The following CADM1 variants were observed in gnomAD, a reference collection of about 807,000 sequenced individuals.
CADM1 encodes the protein TSLC-1.
In CADM1, 15 loss-of-function variants were observed where a neutral mutation model predicts 53.1. That is an observed-to-expected ratio of 0.28 (90% CI 0.19 to 0.44). CADM1 has a LOEUF of 0.44. Among genes scored for constraint, CADM1 ranks in the 20% least tolerant of loss-of-function variants. The probability of loss-of-function intolerance (pLI) is 1.00; values close to 1 mark genes in which losing one functional copy is unlikely to be tolerated. For synonymous variants in CADM1, 281 were observed against 243.0 expected, an observed-to-expected ratio of 1.16 and a Z score of -1.45; for missense variants, 434 against 611.3, an observed-to-expected ratio of 0.71 and a Z score of 3.06.
chr11:115,452,781 C>A (rs1279075610), intron 1 of CADM1, among the ~76,000 whole-genome samples: 1 of 152,022 alleles, frequency 6.6e-6, no homozygotes, highest in Non-Finnish European at 1.5e-5. Context: ...TTTTTTCCAC[C>A]TTTTAAGAGA....
At chr11:115,413,138 G>A (rs1947499175) in intron 1 of CADM1, among the ~76,000 whole-genome samples, 2 of 152,198 alleles carry the variant, frequency 1.3e-5, no homozygotes, top group African/African-American at 4.8e-5. Context: ...AGAGACACAG[G>A]AGGGAAGAGA....
At chr11:115,433,190 TTTC>T (rs1328815821) in intron 1 of CADM1, among the ~76,000 whole-genome samples, 4 of 152,142 alleles carry the variant, frequency 2.6e-5, no homozygotes, top group South Asian at 2.1e-4. Flanking sequence ...TACAGTGACT[TTTC>T]TTCTTCTTCT....
intron 1 of CADM1, among the ~76,000 whole-genome samples, chr11:115,381,763 G>T (rs143062932): frequency 1.2e-3 from 189 of 152,254 alleles, no homozygotes; most frequent in African/African-American, 4.2e-3. Flanking sequence ...AATGTGCAAG[G>T]CTATGCTAGG....
intron 1 of CADM1, among the ~76,000 whole-genome samples, chr11:115,487,343 T>C (rs1296796082): frequency 2.0e-5 from 3 of 152,200 alleles, no homozygotes; most frequent in Non-Finnish European, 2.9e-5. Flanking sequence ...TTCATCTTTT[T>C]AAAAAATTTA....
At chr11:115,388,284 G>C (rs1488753484) in intron 1 of CADM1, among the ~76,000 whole-genome samples, 1 of 152,102 alleles carries the variant, frequency 6.6e-6, no homozygotes. Context: ...TGAATGGATA[G>C]AAAAATTCTT....
chr11:115,281,970 A>G (rs1943598235), intron 1 of CADM1, among the ~76,000 whole-genome samples: 1 of 152,218 alleles, frequency 6.6e-6, no homozygotes, highest in Non-Finnish European at 1.5e-5. Flanking sequence ...AATTTAAACT[A>G]GCTCTACAAA....
intron 1 of CADM1, among the ~76,000 whole-genome samples, chr11:115,453,908 A>C (rs1948629318): frequency 6.6e-6 from 1 of 152,202 alleles, no homozygotes; most frequent in Admixed American, 6.5e-5. Context: ...AAGCACTGGC[A>C]CTTTTGGGAA....
rs187980349 is a variant in CADM1, at chr11:115,402,069, T to C, written c.124+102202A>G. On this transcript the variant is annotated intron_variant, in intron 1 of 11. Coordinates refer to ENST00000331581, the MANE Select transcript of CADM1 (RefSeq NM_001301043.2). ...GTTAGAGAAAAGGCAGATCCAGAAA[T>C]AATAAAAAATAACTTTGTGTACATA... Among the ~76,000 whole-genome samples, 15 of 151,898 alleles carry C rather than the reference T, an allele frequency of 9.9e-5. 1 individual carries two copies. The East Asian group carries it at 2.7e-3, about 27-fold the overall frequency.
intron 1 of CADM1, among the ~76,000 whole-genome samples, chr11:115,342,073 T>C (rs7122020): frequency 0.38 from 57,955 of 151,984 alleles, 11,420 homozygotes; most frequent in Non-Finnish European, 0.43. Flanking sequence ...TCCAGTTATA[T>C]CCATCTACAA....
chr11:115,246,755 G>A (rs1942421155), intron 1 of CADM1, among the ~76,000 whole-genome samples: 1 of 152,152 alleles, frequency 6.6e-6, no homozygotes, highest in Non-Finnish European at 1.5e-5. Flanking sequence ...ATTTTATGTA[G>A]CATTTATAAC....
chr11:115,250,330 A>G (rs2134968948), intron 1 of CADM1, among the ~76,000 whole-genome samples: 1 of 152,322 alleles, frequency 6.6e-6, no homozygotes, highest in Admixed American at 6.5e-5. Flanking sequence ...CCAATTTAAT[A>G]TGATTTTCTC....
intron 8 of CADM1, among the ~76,000 whole-genome samples, chr11:115,205,788 T>C (rs958657165): frequency 9.2e-5 from 14 of 152,172 alleles, no homozygotes; most frequent in African/African-American, 2.9e-4. Flanking sequence ...TGGCAAATCA[T>C]AGTGAGGCTC....
chr11:115,293,673 G>C (rs572024978), intron 1 of CADM1, among the ~76,000 whole-genome samples: 39 of 152,250 alleles, frequency 2.6e-4, no homozygotes, highest in African/African-American at 9.1e-4. Context: ...GACAACCACA[G>C]TAGTTTTTGT....
At chr11:115,307,389 C>T (rs1944402306) in intron 1 of CADM1, among the ~76,000 whole-genome samples, 1 of 151,518 alleles carries the variant, frequency 6.6e-6, no homozygotes, top group Admixed American at 6.6e-5. Context: ...CCTCTCTCAG[C>T]AAGAACACCA....
At chr11:115,350,931 A>C (rs974205585) in intron 1 of CADM1, among the ~76,000 whole-genome samples, 1 of 151,824 alleles carries the variant, frequency 6.6e-6, no homozygotes, top group African/African-American at 2.4e-5. Flanking sequence ...AAGTTAAAAA[A>C]AAAAAAAAAA....
chr11:115,364,212 C>G (rs1330715402), intron 1 of CADM1, among the ~76,000 whole-genome samples: 1 of 152,172 alleles, frequency 6.6e-6, no homozygotes, highest in Non-Finnish European at 1.5e-5. Flanking sequence ...ATGAGTGTGT[C>G]TCAGTTTCAA....
intron 1 of CADM1, among the ~76,000 whole-genome samples, chr11:115,361,546 G>T (rs1377332238): frequency 6.6e-6 from 1 of 152,096 alleles, no homozygotes; most frequent in East Asian, 1.9e-4. Context: ...GACTGCTTAT[G>T]ATTCTTCACC....
At position 115,171,488 on chromosome 11, in the gene CADM1, C is replaced by T. The variant is rs1178182417; in HGVS notation, c.*4986G>A. ...TCCAGTTGATGTATTTGGAGAATGCCAGGCCAAAACATTTGTGAAAACTCT... is the reference window on the plus strand; with the variant it reads ...TCCAGTTGATGTATTTGGAGAATGCTAGGCCAAAACATTTGTGAAAACTCT... On this transcript the variant is annotated 3_prime_UTR_variant, in exon 12 of 12. Coordinates refer to ENST00000331581, the MANE Select transcript of CADM1 (RefSeq NM_001301043.2). 1.3e-5 allele frequency: 2 copies of T among 152,178 alleles called. No homozygotes were observed. The highest frequency in any genetic ancestry group is 4.8e-5 in the African/African-American group (2 of 41,444). 9.4% of individuals were successfully genotyped at this position (152,178 alleles called of 1,614,324 possible).
intron 1 of CADM1, among the ~76,000 whole-genome samples, chr11:115,500,423 C>A (rs985647398): frequency 6.6e-6 from 1 of 152,148 alleles, no homozygotes; most frequent in South Asian, 2.1e-4. Context: ...GCAATCTTAT[C>A]AATTTTTAAA....
Sources: gnomAD v4.1 joint callset for allele counts (sites outside exome capture counted in the v4.1 genomes callset) on GRCh38, gnomAD v4.1.1 for gene constraint, MANE v1.5 for transcripts, NCBI Gene and HGNC (gene_info 2026-07-23, HGNC 2026-07-21) for gene names.